Variants in PTPRK observed in about 807,000 individuals in gnomAD.
PTPRK encodes the protein protein tyrosine phosphatase receptor type K.
A neutral mutation model predicts 178.0 loss-of-function variants in PTPRK; 75 were observed. The ratio of observed to expected loss-of-function variants is 0.42; its 90% CI spans 0.35 to 0.51. The LOEUF (loss-of-function observed/expected upper bound fraction) is 0.51. Ranked by LOEUF, PTPRK falls within the 20% of genes least tolerant of loss-of-function variation. The pLI is 0.02. For synonymous variants in PTPRK, 637 were observed against 620.6 expected, an observed-to-expected ratio of 1.03 and a Z score of -0.39; for missense variants, 1,441 against 1,797.8, an observed-to-expected ratio of 0.80 and a Z score of 3.59.
chr6:128,450,371 C>A (rs1847633027), intron 1 of PTPRK, among the ~76,000 whole-genome samples: 1 of 152,168 alleles, frequency 6.6e-6, no homozygotes, highest in African/African-American at 2.4e-5. Flanking sequence ...TTTATCCAAG[C>A]TGTTAATGAA....
At chr6:128,370,418 C>T (rs569726487) in intron 2 of PTPRK, among the ~76,000 whole-genome samples, 5 of 152,050 alleles carry the variant, frequency 3.3e-5, no homozygotes, top group Non-Finnish European at 5.9e-5. Context: ...CCCTGATATA[C>T]ATTTTTTCAT....
At chr6:128,283,652 G>A (rs1427393731) in intron 3 of PTPRK, among the ~76,000 whole-genome samples, 1 of 151,838 alleles carries the variant, frequency 6.6e-6, no homozygotes, top group African/African-American at 2.4e-5. Flanking sequence ...AATATAAATA[G>A]AAGCAATGCA....
At chr6:128,278,139 AT>A (rs1053755837) in intron 3 of PTPRK, among the ~76,000 whole-genome samples, 4 of 147,696 alleles carry the variant, frequency 2.7e-5, no homozygotes, top group South Asian at 4.3e-4. Context: ...TTATTTATTT[AT>A]TTATTTATTT....
chr6:128,462,461 T>C (rs1849184246), intron 1 of PTPRK, among the ~76,000 whole-genome samples: 1 of 151,928 alleles, frequency 6.6e-6, no homozygotes, highest in Admixed American at 6.6e-5. Context: ...TAACTTAGCA[T>C]TTATTACAGA....
chr6:128,406,922 A>T (rs901663605), intron 1 of PTPRK, among the ~76,000 whole-genome samples: 1 of 152,196 alleles, frequency 6.6e-6, no homozygotes, highest in Non-Finnish European at 1.5e-5. Flanking sequence ...TGGCCATTCT[A>T]ACCTAACAAA....
intron 1 of PTPRK, among the ~76,000 whole-genome samples, chr6:128,492,346 C>G (rs1853931553): frequency 6.6e-6 from 1 of 152,152 alleles, no homozygotes; most frequent in South Asian, 2.1e-4. Context: ...CAGAATACCC[C>G]AAATCTAACA....
At chr6:128,337,446 C>T (rs1389528671) in intron 2 of PTPRK, among the ~76,000 whole-genome samples, 5 of 152,088 alleles carry the variant, frequency 3.3e-5, no homozygotes, top group East Asian at 3.9e-4. Context: ...TACAGGAAAA[C>T]GTGAAGTGGA....
chr6:128,103,345 G>A (rs1056527586), intron 7 of PTPRK, among the ~76,000 whole-genome samples: 3 of 151,920 alleles, frequency 2.0e-5, no homozygotes, highest in Non-Finnish European at 2.9e-5. Context: ...ATTCTTCCTG[G>A]ACACCAGACA....
At chr6:128,152,981 C>CT (rs1470091341) in intron 7 of PTPRK, among the ~76,000 whole-genome samples, 1 of 151,862 alleles carries the variant, frequency 6.6e-6, no homozygotes, top group Non-Finnish European at 1.5e-5. Context: ...TGTAACACCT[C>CT]TTTTTTTAAA....
chr6:128,406,896 GT>G (rs942856645), intron 1 of PTPRK, among the ~76,000 whole-genome samples: 1 of 152,162 alleles, frequency 6.6e-6, no homozygotes, highest in African/African-American at 2.4e-5. Context: ...AGACATTTAA[GT>G]GACATGTAAG....
intron 5 of PTPRK, among the ~76,000 whole-genome samples, chr6:128,223,571 G>T (rs1309934266): frequency 2.0e-5 from 3 of 151,952 alleles, no homozygotes; most frequent in African/African-American, 7.2e-5. Flanking sequence ...TATAATTAAT[G>T]AGTACAAAAG....
chr6:128,175,381 T>C (rs896865594), intron 7 of PTPRK, among the ~76,000 whole-genome samples: 1 of 151,852 alleles, frequency 6.6e-6, no homozygotes, highest in Non-Finnish European at 1.5e-5. Context: ...TTTTCAGTTA[T>C]GTGGAAAAAA....
At chr6:128,353,309 T>C (rs1315976362) in intron 2 of PTPRK, among the ~76,000 whole-genome samples, 2 of 152,234 alleles carry the variant, frequency 1.3e-5, no homozygotes, top group African/African-American at 2.4e-5. Context: ...CTTGACAGTA[T>C]TTTATGAAAC....
At chr6:128,490,425 G>A (rs1853605985) in intron 1 of PTPRK, among the ~76,000 whole-genome samples, 2 of 152,176 alleles carry the variant, frequency 1.3e-5, no homozygotes, top group Admixed American at 1.3e-4. Flanking sequence ...AACAGTCCAT[G>A]AGTATTATAC....
At chr6:128,136,343 G>C (rs1181369949) in intron 7 of PTPRK, among the ~76,000 whole-genome samples, 8 of 152,130 alleles carry the variant, frequency 5.3e-5, no homozygotes, top group African/African-American at 1.9e-4. Context: ...ATTACATATA[G>C]GGATTAAGGT....
At chr6:128,034,460 T>C (rs1040170117) in intron 13 of PTPRK, among the ~76,000 whole-genome samples, 1 of 152,232 alleles carries the variant, frequency 6.6e-6, no homozygotes, top group Admixed American at 6.5e-5. Flanking sequence ...TAACAAGCTG[T>C]ATTCATTCAC....
chr6:128,269,454 G>A (rs1002796906), intron 3 of PTPRK, among the ~76,000 whole-genome samples: 2 of 151,638 alleles, frequency 1.3e-5, no homozygotes, highest in Non-Finnish European at 2.9e-5. Flanking sequence ...GAGACTGTCA[G>A]GTGAAGCTGG....
chr6:128,166,026 A>G (rs1486117808), intron 7 of PTPRK, among the ~76,000 whole-genome samples: 1 of 151,714 alleles, frequency 6.6e-6, no homozygotes, highest in Non-Finnish European at 1.5e-5. Context: ...TAAAGTTACT[A>G]TAATTCTGAC....
chr6:128,199,349 C>A (rs925397886), intron 6 of PTPRK, among the ~76,000 whole-genome samples: 1 of 151,980 alleles, frequency 6.6e-6, no homozygotes, highest in Non-Finnish European at 1.5e-5. Context: ...TGAGAGAAAC[C>A]AGATAAGAGT....
Sources: gnomAD v4.1 joint callset for allele counts (sites outside exome capture counted in the v4.1 genomes callset) on GRCh38, gnomAD v4.1.1 for gene constraint, MANE v1.5 for transcripts, NCBI Gene and HGNC (gene_info 2026-07-23, HGNC 2026-07-21) for gene names.